UNC13C: variants seen among roughly 807,000 people sequenced by gnomAD.
UNC13C encodes protein unc-13 homolog C.
UNC13C carries 174 observed loss-of-function variants against 245.4 expected under a neutral mutation model. The ratio of observed to expected loss-of-function variants is 0.71; its 90% confidence interval spans 0.63 to 0.80. The LOEUF (loss-of-function observed/expected upper bound fraction) is 0.80. Among genes scored for constraint, UNC13C ranks in the 30% least tolerant of loss-of-function variants. The pLI is 0.00. For missense variants in UNC13C, 2,829 were observed against 2,602.9 expected, an observed-to-expected ratio of 1.09 and a Z score of -1.89; for synonymous variants, 992 against 895.1, an observed-to-expected ratio of 1.11 and a Z score of -1.93.
chr15:54,462,202 T>C (rs1488397904), intron 19 of UNC13C, among the ~76,000 whole-genome samples: 4 of 152,146 alleles, frequency 2.6e-5, no homozygotes, highest in Non-Finnish European at 5.9e-5. Context: ...CACAAACTCA[T>C]AATAAAAAGA....
chr15:54,344,980 A>G (rs2038827884), intron 17 of UNC13C, among the ~76,000 whole-genome samples: 1 of 152,212 alleles, frequency 6.6e-6, no homozygotes, highest in Non-Finnish European at 1.5e-5. Context: ...AAGTCAGATT[A>G]TATCACTCTT....
the UNC13C span, among the ~76,000 whole-genome samples, chr15:53,882,338 GT>G: frequency 6.6e-6 from 1 of 152,028 alleles, no homozygotes; most frequent in Non-Finnish European, 1.5e-5. Flanking sequence ...CTAGGAATTA[GT>G]TTTTTCCACA....
At chr15:54,181,720 C>A (rs1000960577) in intron 4 of UNC13C, among the ~76,000 whole-genome samples, 3 of 151,788 alleles carry the variant, frequency 2.0e-5, no homozygotes, top group Admixed American at 1.3e-4. Context: ...CCTATAATTT[C>A]TTTTAGTAGC....
At chr15:54,526,604 C>A (rs967913989) in intron 25 of UNC13C, among the ~76,000 whole-genome samples, 11 of 151,708 alleles carry the variant, frequency 7.3e-5, no homozygotes, top group African/African-American at 2.7e-4. Context: ...AGTAGCCGGG[C>A]GTGGTGACGG....
At chr15:54,536,386 C>G (rs1895982156) in intron 26 of UNC13C, among the ~76,000 whole-genome samples, 1 of 151,886 alleles carries the variant, frequency 6.6e-6, no homozygotes, top group African/African-American at 2.4e-5. Context: ...GGATTCACAG[C>G]CAAATTTTAT....
At chr15:54,488,605 C>G (rs1212653978) in intron 19 of UNC13C, among the ~76,000 whole-genome samples, 3 of 152,076 alleles carry the variant, frequency 2.0e-5, no homozygotes, top group Non-Finnish European at 4.4e-5. Flanking sequence ...CAGAAAAAAA[C>G]TCATGAATAA....
At chr15:54,399,576 A>G (rs758810851) in intron 18 of UNC13C, among the ~76,000 whole-genome samples, 6 of 151,914 alleles carry the variant, frequency 3.9e-5, no homozygotes, top group Admixed American at 6.6e-5. Context: ...AAAAATATAC[A>G]TACAGTGAAG....
intron 19 of UNC13C, among the ~76,000 whole-genome samples, chr15:54,438,552 C>T: frequency 6.6e-6 from 1 of 151,940 alleles, no homozygotes; most frequent in East Asian, 1.9e-4. Flanking sequence ...TTCTTCCAGT[C>T]TCTAAAATGG....
chr15:54,298,459 T>A (rs1166482175), intron 12 of UNC13C, among the ~76,000 whole-genome samples: 1 of 152,310 alleles, frequency 6.6e-6, no homozygotes, highest in East Asian at 1.9e-4. Context: ...CAGTTAATTT[T>A]TCTTCCTGTT....
chr15:54,622,508 A>G, intron 31 of UNC13C, 89 bp downstream of exon 31: 1 of 1,035,472 alleles, frequency 9.7e-7, no homozygotes, highest in Non-Finnish European at 1.4e-6. Flanking sequence ...TTGCATTTAA[A>G]AAAACTGCAC....
chr15:54,020,588 T>C (rs1243147091), intron 2 of UNC13C, among the ~76,000 whole-genome samples: 1 of 152,052 alleles, frequency 6.6e-6, no homozygotes, highest in Non-Finnish European at 1.5e-5. Context: ...CGGCCGATTT[T>C]TCTTAACTTA....
chr15:54,485,075 C>T (rs975580759), intron 19 of UNC13C, among the ~76,000 whole-genome samples: 4 of 150,334 alleles, frequency 2.7e-5, no homozygotes, highest in African/African-American at 9.8e-5. Context: ...TATTTTAATA[C>T]AGAAAAAAAA....
intron 24 of UNC13C, among the ~76,000 whole-genome samples, chr15:54,520,883 A>C (rs1246408974): frequency 6.6e-6 from 1 of 152,326 alleles, no homozygotes; most frequent in South Asian, 2.1e-4. Flanking sequence ...TGTTGTAAGC[A>C]GTCTGAAGAT....
intron 2 of UNC13C, among the ~76,000 whole-genome samples, chr15:54,136,422 G>C (rs889454025): frequency 6.6e-6 from 1 of 151,960 alleles, no homozygotes; most frequent in Non-Finnish European, 1.5e-5. Flanking sequence ...CTTTAGATTT[G>C]TTTATCAGTT....
At chr15:54,028,447 G>A (rs569923240) in intron 2 of UNC13C, among the ~76,000 whole-genome samples, 7 of 152,168 alleles carry the variant, frequency 4.6e-5, no homozygotes, top group African/African-American at 9.6e-5. Flanking sequence ...AGCATCCAGC[G>A]ATACATATAA....
chr15:53,923,923 C>A, the UNC13C span, among the ~76,000 whole-genome samples: 1 of 152,188 alleles, frequency 6.6e-6, no homozygotes, highest in Non-Finnish European at 1.5e-5. Context: ...AGAGACAGCA[C>A]GGGCTGGGCG....
rs568056887 is a variant in UNC13C, at chr15:54,189,323, C to T, written c.3071+45639C>T. On this transcript the variant is annotated intron_variant, in intron 4 of 32. Transcript: ENST00000260323. ...GTTAAGTTTGCCTGCACATATTCTA[C>T]TCAGAATTTCTTTTCTTATAAAGTG... Among the ~76,000 whole-genome samples the T allele has an allele frequency of 7.2e-5, 11 of 152,256 alleles. No homozygotes were observed. The South Asian group carries it at 2.3e-3, about 32-fold the overall frequency.
intron 2 of UNC13C, among the ~76,000 whole-genome samples, chr15:54,141,134 A>T (rs2031998122): frequency 6.6e-6 from 1 of 152,154 alleles, no homozygotes; most frequent in Non-Finnish European, 1.5e-5. Flanking sequence ...ATCTTATTTC[A>T]TTGTTTTCCA....
At chr15:54,358,807 C>G (rs1596278351) in intron 17 of UNC13C, among the ~76,000 whole-genome samples, 1 of 152,028 alleles carries the variant, frequency 6.6e-6, no homozygotes, top group South Asian at 2.1e-4. Context: ...CCCTTTATCT[C>G]TTTCTCTTGC....
Sources: gnomAD v4.1 joint callset for allele counts (sites outside exome capture counted in the v4.1 genomes callset) on GRCh38, gnomAD v4.1.1 for gene constraint, MANE v1.5 for transcripts, NCBI Gene and HGNC (gene_info 2026-07-23, HGNC 2026-07-21) for gene names.